The following ADAMTS16 variants were observed in gnomAD, a reference collection of about 807,000 sequenced individuals.
ADAMTS16 encodes A disintegrin and metalloproteinase with thrombospondin motifs 16.
A neutral mutation model predicts 145.8 loss-of-function variants in ADAMTS16; 94 were observed. The ratio of observed to expected loss-of-function variants is 0.64; its 90% confidence interval spans 0.55 to 0.77. ADAMTS16 has a LOEUF of 0.77. Ranked by LOEUF, ADAMTS16 falls within the 30% of genes least tolerant of loss-of-function variation. The pLI, the probability that ADAMTS16 is intolerant of heterozygous loss-of-function variation, is 0.00. For synonymous variants in ADAMTS16, 659 were observed against 604.3 expected, an observed-to-expected ratio of 1.09 and a Z score of -1.33; for missense variants, 1,585 against 1,591.5, an observed-to-expected ratio of 1.00 and a Z score of 0.07.
At chr5:5,246,153 CA>C (rs1170655114) in intron 17 of ADAMTS16, among the ~76,000 whole-genome samples, 1 of 152,192 alleles carries the variant, frequency 6.6e-6, no homozygotes, top group African/African-American at 2.4e-5. Context: ...TCAGTATCTA[CA>C]ATTCACTTGG....
intron 17 of ADAMTS16, among the ~76,000 whole-genome samples, chr5:5,242,564 C>T (rs977694112): frequency 7.7e-4 from 117 of 152,254 alleles, no homozygotes; most frequent in Middle Eastern, 3.4e-3. Context: ...ATACACTGAC[C>T]TAGAGTGGGT....
At chr5:5,308,144 G>A (rs894195114) in intron 21 of ADAMTS16, among the ~76,000 whole-genome samples, 1 of 152,148 alleles carries the variant, frequency 6.6e-6, no homozygotes, top group African/African-American at 2.4e-5. Flanking sequence ...CAAGACACCC[G>A]TCACCAAAGC....
rs574223562 is a variant in ADAMTS16, at chr5:5,310,390, G to A, written c.3411+3662G>A. ...CTGTGTCTCATTGGCAGCGTCCTGC[G>A]CTGAGTAATGTCTCCAAAACTCATG... On this transcript the variant is annotated intron_variant, in intron 21 of 22. Coordinates refer to ENST00000274181, the MANE Select transcript of ADAMTS16 (RefSeq NM_139056.4). This position sits in a 1 kb window ranked among gnomAD's most constrained non-coding sequence, Gnocchi z 4.3. 2.0e-5 allele frequency among the ~76,000 whole-genome samples: 3 copies of A among 152,216 alleles called. No homozygotes were observed. The highest frequency in any genetic ancestry group is 2.1e-4 in the South Asian group (1 of 4,814).
intron 20 of ADAMTS16, among the ~76,000 whole-genome samples, chr5:5,305,689 A>G (rs1740116289): frequency 1.3e-5 from 2 of 152,324 alleles, no homozygotes; most frequent in South Asian, 2.1e-4. Context: ...CAAGGTCAGG[A>G]CCTGGGCAGG....
At chr5:5,181,329 C>T (rs1011799286) in intron 3 of ADAMTS16, among the ~76,000 whole-genome samples, 7 of 152,158 alleles carry the variant, frequency 4.6e-5, no homozygotes, top group African/African-American at 1.4e-4. Context: ...CACCAACAAT[C>T]GTGCTACCAA....
chr5:5,303,243 C>T (rs1322387045), intron 18 of ADAMTS16, 25 bp from the exon 19 acceptor site: 9 of 1,517,644 alleles, frequency 5.9e-6, no homozygotes, highest in Non-Finnish European at 8.0e-6. Context: ...CCATCCCTCA[C>T]CGAGGTCTCT....
intron 20 of ADAMTS16, among the ~76,000 whole-genome samples, chr5:5,304,131 G>A (rs1266758286): frequency 6.6e-6 from 1 of 152,186 alleles, no homozygotes; most frequent in African/African-American, 2.4e-5. Context: ...TCCAGGAAAT[G>A]CGCGGCTCCT....
chr5:5,186,833 A>G (rs183721410), intron 5 of ADAMTS16, among the ~76,000 whole-genome samples: 64 of 152,328 alleles, frequency 4.2e-4, no homozygotes, highest in African/African-American at 1.5e-3. Context: ...ATAACAGAAG[A>G]CAAAATATTG....
chr5:5,315,134 C>T (rs528302537), intron 21 of ADAMTS16, among the ~76,000 whole-genome samples: 1 of 152,318 alleles, frequency 6.6e-6, no homozygotes, highest in South Asian at 2.1e-4. Flanking sequence ...TCCTTCTTCA[C>T]ATGACGGCAG....
At chr5:5,247,195 T>C (rs1308431718) in intron 17 of ADAMTS16, among the ~76,000 whole-genome samples, 1 of 152,192 alleles carries the variant, frequency 6.6e-6, no homozygotes, top group Non-Finnish European at 1.5e-5. Flanking sequence ...TCTCTTTCTC[T>C]TTTAAACTTC....
At position 5,240,459 on chromosome 5, in the gene ADAMTS16, G is replaced by A. The variant is rs117909968; in HGVS notation, c.2523+534G>A. The stretch of plus-strand genomic sequence containing the variant: ...GTTCTGTTTACTCATGAATGCAGAG[G>A]CTCACAAAATATAGTCAGATTCTGA... On this transcript the variant is annotated intron_variant, in intron 16 of 22. Coordinates refer to ENST00000274181, the MANE Select transcript of ADAMTS16 (RefSeq NM_139056.4). Among the ~76,000 whole-genome samples, 927 of 152,330 alleles carry A rather than the reference G, an allele frequency of 6.1e-3. 21 individuals carry two copies. The highest frequency in any genetic ancestry group is 0.057 in the East Asian group (294 of 5,184).
chr5:5,211,476 A>C (rs903411696), intron 10 of ADAMTS16, among the ~76,000 whole-genome samples: 27 of 152,094 alleles, frequency 1.8e-4, no homozygotes, highest in African/African-American at 6.3e-4. Context: ...GGAGTTTATC[A>C]TATTAATCCT....
intron 2 of ADAMTS16, among the ~76,000 whole-genome samples, 177 bp from the exon 3 acceptor site, chr5:5,145,953 A>T (rs1048098127): frequency 6.6e-6 from 1 of 152,088 alleles, no homozygotes; most frequent in Non-Finnish European, 1.5e-5. Context: ...TTTTCTTTAA[A>T]CTGTGATGTT....
intron 9 of ADAMTS16, among the ~76,000 whole-genome samples, chr5:5,201,389 T>A (rs73735744): frequency 0.019 from 2,898 of 152,220 alleles, 110 homozygotes; most frequent in African/African-American, 0.066. Flanking sequence ...ATAAAAATTT[T>A]AAAATGAAGA....
At chr5:5,249,700 T>G (rs1737562920) in intron 17 of ADAMTS16, among the ~76,000 whole-genome samples, 1 of 152,214 alleles carries the variant, frequency 6.6e-6, no homozygotes, top group Non-Finnish European at 1.5e-5. Flanking sequence ...ATCAGTGCTC[T>G]TTTAGCATTT....
At chr5:5,161,752 T>C (rs925062699) in intron 3 of ADAMTS16, among the ~76,000 whole-genome samples, 3 of 152,202 alleles carry the variant, frequency 2.0e-5, no homozygotes, top group Non-Finnish European at 2.9e-5. Flanking sequence ...TAGCTTCTGA[T>C]GCACTCAATA....
At chr5:5,216,737 C>T (rs1482039496) in intron 10 of ADAMTS16, among the ~76,000 whole-genome samples, 1 of 142,292 alleles carries the variant, frequency 7.0e-6, no homozygotes, top group Non-Finnish European at 1.5e-5. Context: ...GGTATATCTC[C>T]CGATGCTATC....
In ADAMTS16 at chr5:5,146,201, C is replaced by G; in HGVS notation, c.247C>G (p.Gln83Glu). Reference protein sequence around the residue: ...DYVSHEIMHHQRRRRAVPVSE... With the variant: ...DYVSHEIMHHERRRRAVPVSE... Reference sequence around the variant, plus strand: ...CGTGTCCCATGAAATCATGCACCATCAGCGGCGGAGAAGAGCAGTGCCCGT... The same window carrying G: ...CGTGTCCCATGAAATCATGCACCATGAGCGGCGGAGAAGAGCAGTGCCCGT... The change falls in exon 3 of 23, where the codon CAG (glutamine) becomes GAG (glutamate). Residue 83 changes from glutamine (Q) to glutamate (E), a missense_variant. Transcript: ENST00000274181. 1.2e-6 allele frequency: 2 copies of G among 1,614,216 alleles called. No individual in the cohort carries two copies. The highest frequency in any genetic ancestry group is 1.7e-6 in the Non-Finnish European group (2 of 1,180,042).
chr5:5,235,134 C>T lies in ADAMTS16; in HGVS notation c.1971C>T (p.Ser657=). The change falls in exon 13 of 23, where the codon AGC becomes AGT. Residue 657 remains serine (S), a synonymous_variant. Coordinates refer to ENST00000274181, the MANE Select transcript of ADAMTS16 (RefSeq NM_139056.4). ...CTGCTCAGTGTGCCGAGCACAACAG[C>T]AGACGATTCAGAGGGCGGCACTACA... ...FRAAQCAEHN[S]RRFRGRHYKW... is the part of the protein sequence containing the mutation. The T allele has an allele frequency of 6.3e-7, 1 of 1,596,266 alleles. No homozygotes were observed. Among genetic ancestry groups the T allele is most frequent in the Non-Finnish European group, 8.6e-7 (1 of 1,165,474 alleles).
Sources: allele counts gnomAD v4.1 joint callset (sites outside exome capture counted in the v4.1 genomes callset), GRCh38; gene constraint gnomAD v4.1.1; non-coding constraint Gnocchi (gnomAD v3.1); transcripts MANE v1.5; gene names NCBI Gene and HGNC (gene_info 2026-07-23, HGNC 2026-07-21).